The following NKTR variants were observed in gnomAD, a reference collection of about 807,000 sequenced individuals.
The protein encoded by NKTR is NK-tumor recognition protein.
A neutral mutation model predicts 156.3 loss-of-function variants in NKTR; 67 were observed. The ratio of observed to expected loss-of-function variants is 0.43; its 90% CI spans 0.35 to 0.53. The LOEUF (loss-of-function observed/expected upper bound fraction) is 0.53. Ranked by LOEUF, NKTR falls within the 20% of genes least tolerant of loss-of-function variation. The probability of loss-of-function intolerance (pLI) is 0.01; values close to 1 mark genes in which losing one functional copy is unlikely to be tolerated. For synonymous variants in NKTR, 640 were observed against 596.6 expected (o/e 1.07, Z -1.06); for missense variants, 1,604 against 1,730.9 (o/e 0.93, Z 1.30).
rs891490576 is a variant in NKTR, at chr3:42,646,653, C to G, written c.*678C>G. ...TACCTGCACTGTCTCTGAGGACTTA[C>G]TATTTTATGTTCTTTTTAATCAATA... On this transcript the variant is annotated 3_prime_UTR_variant, in exon 17 of 17. Transcript: ENST00000232978. 1 of 152,590 alleles carries G rather than the reference C, an allele frequency of 6.6e-6. No individual in the cohort carries two copies. The highest frequency in any genetic ancestry group is 2.4e-5 in the African/African-American group (1 of 41,444). The allele number at this position is 152,590 out of a possible 1,614,324, so 9.5% of individuals were successfully genotyped here.
intron 13 of NKTR, among the ~76,000 whole-genome samples, chr3:42,642,136 A>G (rs1709941227): frequency 6.6e-6 from 1 of 152,178 alleles, no homozygotes; most frequent in Non-Finnish European, 1.5e-5. Context: ...TGAAACATGT[A>G]GCTGTAGTTC....
At chr3:42,626,248 A>G (rs776415328) in intron 6 of NKTR, among the ~76,000 whole-genome samples, 3 of 151,856 alleles carry the variant, frequency 2.0e-5, no homozygotes, top group Non-Finnish European at 4.4e-5. Flanking sequence ...CATGTTGTCA[A>G]TGCCTTTATG....
intron 2 of NKTR, among the ~76,000 whole-genome samples, chr3:42,616,014 T>C (rs1420764816): frequency 1.3e-5 from 2 of 152,184 alleles, no homozygotes; most frequent in African/African-American, 4.8e-5. Context: ...ATAGTTTGGC[T>C]CTTTTAAAGC....
At chr3:42,625,876 A>G (rs771960314) in intron 6 of NKTR, among the ~76,000 whole-genome samples, 3 of 152,152 alleles carry the variant, frequency 2.0e-5, no homozygotes, top group Non-Finnish European at 4.4e-5. Flanking sequence ...TGTGGAAGAA[A>G]TTTTTTATCT....
intron 13 of NKTR, 152 bp from the exon 14 acceptor site, chr3:42,642,349 C>T: frequency 1.9e-6 from 1 of 515,882 alleles, no homozygotes; most frequent in South Asian, 3.3e-5. Flanking sequence ...TTGAGAGTTC[C>T]TCATTAGCTG....
At chr3:42,615,381 G>T (rs1041206393) in intron 2 of NKTR, among the ~76,000 whole-genome samples, 1 of 150,006 alleles carries the variant, frequency 6.7e-6, no homozygotes, top group Non-Finnish European at 1.5e-5. Flanking sequence ...GCCTGGCCGA[G>T]ATTTTTTTTT....
In NKTR at chr3:42,637,873, A is replaced by C. The variant is rs773301893; in HGVS notation, c.2169A>C (p.Ser723=). ...ASSHSRSRSP[S]SRSHSRNKYS... ...CACATTCAAGGTCTAGGTCTCCATC[A>C]TCTAGATCTCATTCACGAAATAAAT... Residue 723 remains serine, a synonymous_variant, in exon 13 of 17, where the codon TCA becomes TCC. Coordinates refer to ENST00000232978, the MANE Select transcript of NKTR (RefSeq NM_005385.4). 6.2e-7 allele frequency: 1 copy of C among 1,614,088 alleles called. No individual in the cohort carries two copies. The highest frequency in any genetic ancestry group is 8.5e-7 in the Non-Finnish European group (1 of 1,179,966).
intron 5 of NKTR, 133 bp from the exon 6 acceptor site, chr3:42,621,296 T>C (rs1707881708): frequency 1.3e-5 from 17 of 1,346,028 alleles, no homozygotes; most frequent in African/African-American, 1.5e-5. Flanking sequence ...ATTTTTCTTT[T>C]CTGAGTGTTC....
chr3:42,642,834 T>A (rs1208063251), intron 14 of NKTR, among the ~76,000 whole-genome samples: 1 of 152,216 alleles, frequency 6.6e-6, no homozygotes, highest in Admixed American at 6.5e-5. Flanking sequence ...CCTTGACCCC[T>A]ACCTCCACCT....
intron 2 of NKTR, among the ~76,000 whole-genome samples, chr3:42,611,943 A>G (rs1395881947): frequency 6.6e-6 from 1 of 151,720 alleles, no homozygotes; most frequent in African/African-American, 2.4e-5. Flanking sequence ...TCAACAAAAA[A>G]TACAAAAATT....
chr3:42,645,410 C>T (rs1406709848), intron 16 of NKTR, among the ~76,000 whole-genome samples: 1 of 152,126 alleles, frequency 6.6e-6, no homozygotes, highest in Non-Finnish European at 1.5e-5. Context: ...GTGAGTCGGG[C>T]ACGGTGGCTC....
At chr3:42,617,507 C>A in intron 2 of NKTR, 63 bp from the exon 3 acceptor site, 1 of 814,714 alleles carries the variant, frequency 1.2e-6, no homozygotes, top group Non-Finnish European at 2.1e-6. Flanking sequence ...CTGTTTCTTT[C>A]TCCCATTTAA....
intron 9 of NKTR, chr3:42,633,261 C>A: frequency 1.4e-6 from 1 of 710,778 alleles, no homozygotes; most frequent in Non-Finnish European, 1.8e-6. Context: ...AGGCTGGTCT[C>A]TGACTCCTGT....
intron 2 of NKTR, among the ~76,000 whole-genome samples, chr3:42,607,939 G>A (rs1339763395): frequency 1.4e-5 from 2 of 144,140 alleles, no homozygotes; most frequent in African/African-American, 5.1e-5. Flanking sequence ...CTCCCACTGC[G>A]GGCATGCCAA....
At chr3:42,627,079 C>A (rs1708463438) in intron 6 of NKTR, 2 of 771,854 alleles carry the variant, frequency 2.6e-6, no homozygotes, top group Non-Finnish European at 3.1e-6. Flanking sequence ...AGCTTTCTTG[C>A]TCTGCATAAA....
intron 2 of NKTR, among the ~76,000 whole-genome samples, chr3:42,613,237 T>G (rs755432002): frequency 2.0e-5 from 3 of 152,146 alleles, no homozygotes; most frequent in Admixed American, 6.5e-5. Context: ...GATGTGAGCT[T>G]CTTGAAACTT....
intron 6 of NKTR, 124 bp downstream of exon 6, chr3:42,621,640 T>G (rs1707912711): frequency 1.3e-5 from 13 of 979,658 alleles, no homozygotes; most frequent in Non-Finnish European, 1.7e-5. Context: ...ATTATTAATT[T>G]CTAATATCAT....
intron 2 of NKTR, among the ~76,000 whole-genome samples, chr3:42,614,343 AT>A (rs907712830): frequency 1.3e-5 from 2 of 151,746 alleles, no homozygotes; most frequent in African/African-American, 2.4e-5. Flanking sequence ...CTACAGCTTA[AT>A]TTTTTTATCT....
chr3:42,641,500 G>A (rs1200638800), intron 13 of NKTR, among the ~76,000 whole-genome samples: 2 of 152,056 alleles, frequency 1.3e-5, no homozygotes, highest in East Asian at 3.8e-4. Context: ...ATTTTTGCTT[G>A]TTTTATTAAG....
Sources: allele counts gnomAD v4.1 joint callset (sites outside exome capture counted in the v4.1 genomes callset), GRCh38; gene constraint gnomAD v4.1.1; transcripts MANE v1.5; gene names NCBI Gene and HGNC (gene_info 2026-07-23, HGNC 2026-07-21).